Variants in VNN1 observed in about 807,000 individuals in gnomAD.
VNN1 encodes pantetheinase.
Under a neutral mutation model 41.9 loss-of-function variants are expected in VNN1, and 29 were observed. The ratio of observed to expected loss-of-function variants is 0.69; its 90% CI spans 0.52 to 0.94. VNN1 has a LOEUF of 0.94. Among genes scored for constraint, VNN1 ranks in the 40% least tolerant of loss-of-function variants. The probability of loss-of-function intolerance (pLI) is 0.00; values close to 1 mark genes in which losing one functional copy is unlikely to be tolerated. For missense variants in VNN1, 637 were observed against 621.1 expected (o/e 1.03, Z -0.27); for synonymous variants, 233 against 224.4 (o/e 1.04, Z -0.34).
intron 2 of VNN1, among the ~76,000 whole-genome samples, chr6:132,703,047 G>A (rs1410751717): frequency 6.6e-6 from 1 of 152,136 alleles, no homozygotes; most frequent in Non-Finnish European, 1.5e-5. Context: ...GTAACATGAA[G>A]CACCAAGCAG....
Position 132,683,313 on chromosome 6 carries a change from C to T in VNN1, c.1369G>A (p.Asp457Asn). 6.2e-7 allele frequency: 1 copy of T among 1,612,184 alleles called. No individual in the cohort carries two copies. Among genetic ancestry groups the T allele is most frequent in the African/African-American group, 1.3e-5 (1 of 74,936 alleles). Residue 457 changes from aspartate to asparagine, a missense_variant, in exon 7 of 7, where the codon GAC becomes AAC. Coordinates refer to ENST00000367928, the MANE Select transcript of VNN1 (RefSeq NM_004666.3). ...GGCTTCAGACTAAACAAGCGTCCGT[C>T]AGTTGACACCTGATTAAAACAAAAA... ...LAPGEFQVST[D>N]GRLFSLKPTS...
chr6:132,701,231 A>G (rs985180000), intron 2 of VNN1, among the ~76,000 whole-genome samples: 11 of 152,212 alleles, frequency 7.2e-5, no homozygotes, highest in Non-Finnish European at 1.5e-5. Flanking sequence ...TAAATTTTAA[A>G]CTATGAGGTC....
chr6:132,700,902 C>T (rs980017497), intron 2 of VNN1, among the ~76,000 whole-genome samples: 2 of 152,076 alleles, frequency 1.3e-5, no homozygotes, highest in Admixed American at 1.3e-4. Flanking sequence ...TTCTCCATAG[C>T]CCTGCTCTAT....
chr6:132,711,262 C>A (rs1035512037), intron 2 of VNN1, among the ~76,000 whole-genome samples: 1 of 152,126 alleles, frequency 6.6e-6, no homozygotes, highest in Non-Finnish European at 1.5e-5. Flanking sequence ...TGACTTAAAC[C>A]ACTTAAAATC....
At chr6:132,701,713 T>C (rs1241700244) in intron 2 of VNN1, among the ~76,000 whole-genome samples, 1 of 152,184 alleles carries the variant, frequency 6.6e-6, no homozygotes, top group African/African-American at 2.4e-5. Flanking sequence ...GTAATCACAG[T>C]ACCTTGTTTT....
chr6:132,691,488 C>T lies in VNN1; in HGVS notation c.1188+735G>A, dbSNP rs1048574713. On this transcript the variant is annotated intron_variant, in intron 5 of 6. Transcript: ENST00000367928. ...CAACCCCATTCATATCCAGGATATA[C>T]TTAGTGTCAAACTCTTTATAAAGCA... 5.3e-4 allele frequency among the ~76,000 whole-genome samples: 80 copies of T among 151,912 alleles called. 1 individual carries two copies. Among genetic ancestry groups the T allele is most frequent in the African/African-American group, 1.7e-3 (69 of 41,340 alleles).
chr6:132,712,546 G>A (rs1442712806), intron 1 of VNN1, among the ~76,000 whole-genome samples: 1 of 152,108 alleles, frequency 6.6e-6, no homozygotes, highest in African/African-American at 2.4e-5. Flanking sequence ...GCCTCTCCTT[G>A]AACTTTCGCT....
At chr6:132,687,395 C>G (rs1180937349) in intron 5 of VNN1, among the ~76,000 whole-genome samples, 1 of 152,182 alleles carries the variant, frequency 6.6e-6, no homozygotes, top group African/African-American at 2.4e-5. Context: ...AAAGAGGGCA[C>G]AAGCCCAAAA....
chr6:132,712,377 C>T (rs1404675879), intron 1 of VNN1, among the ~76,000 whole-genome samples: 1 of 151,944 alleles, frequency 6.6e-6, no homozygotes, highest in Non-Finnish European at 1.5e-5. Context: ...CTTGAACTCC[C>T]AACCTCAGGT....
intron 2 of VNN1, among the ~76,000 whole-genome samples, chr6:132,695,605 C>G (rs1778358221): frequency 6.6e-6 from 1 of 152,200 alleles, no homozygotes. Context: ...TGCAGGCCCT[C>G]TTTCTGGCTG....
At chr6:132,710,696 AT>A (rs1778587149) in intron 2 of VNN1, among the ~76,000 whole-genome samples, 1 of 152,198 alleles carries the variant, frequency 6.6e-6, no homozygotes, top group Non-Finnish European at 1.5e-5. Flanking sequence ...TGCAAAGGAC[AT>A]GAACTTATCC....
intron 5 of VNN1, among the ~76,000 whole-genome samples, chr6:132,690,518 G>A (rs1778267016): frequency 6.6e-6 from 1 of 152,150 alleles, no homozygotes; most frequent in South Asian, 2.1e-4. Context: ...ATTAATCTAA[G>A]TAGAGCTCTT....
rs185042078 is a variant in VNN1 at position 132,692,799 on chromosome 6, G to A, written c.827-215C>T. ...GCCAAGAAGGGAGAGTTGTATGTAA[G>A]AAGTCATATATTTTGAAAAAAAAAT... On this transcript the variant is annotated intron_variant, in intron 4 of 6. Transcript: ENST00000367928. 5.1e-4 allele frequency among the ~76,000 whole-genome samples: 77 copies of A among 151,916 alleles called. 1 individual carries two copies. Among genetic ancestry groups the A allele is most frequent in the Middle Eastern group, 6.9e-3 (2 of 290 alleles).
intron 6 of VNN1, among the ~76,000 whole-genome samples, chr6:132,684,050 G>A (rs560592514): frequency 6.6e-6 from 1 of 152,126 alleles, no homozygotes; most frequent in East Asian, 1.9e-4. Context: ...CACTGGTTCT[G>A]AAACTACTCT....
At position 132,692,468 on chromosome 6, in the gene VNN1, T is replaced by A. The variant is rs1778305713; in HGVS notation, c.943A>T (p.Asn315Tyr). ...ATACTGCTGGCATAGGAAGTCCAGT[T>A]CACCACTGCAGAATGGGATGGGTGG... Reference protein sequence around the residue: ...DSHPSHSAVVNWTSYASSIEA... With the variant: ...DSHPSHSAVVYWTSYASSIEA... The change falls in exon 5 of 7, where the codon AAC becomes TAC. Residue 315 changes from asparagine (N) to tyrosine (Y), a missense_variant. Coordinates refer to ENST00000367928, the MANE Select transcript of VNN1 (RefSeq NM_004666.3). 6.2e-7 allele frequency: 1 copy of A among 1,614,086 alleles called. No homozygotes were observed. Among genetic ancestry groups the A allele is most frequent in the East Asian group, 2.2e-5 (1 of 44,866 alleles).
intron 5 of VNN1, among the ~76,000 whole-genome samples, chr6:132,685,037 G>C (rs1394325515): frequency 2.0e-5 from 3 of 152,182 alleles, no homozygotes; most frequent in Non-Finnish European, 4.4e-5. Context: ...GTTTAATTTA[G>C]GCACCTGTGT....
At chr6:132,692,665 C>A in intron 4 of VNN1, 81 bp from the exon 5 acceptor site, 1 of 1,461,360 alleles carries the variant, frequency 6.8e-7, no homozygotes, top group East Asian at 2.3e-5. Context: ...ATTTTAACCT[C>A]ATATTCACAT....
chr6:132,703,242 CACAG>C (rs1457122132), intron 2 of VNN1, among the ~76,000 whole-genome samples: 1 of 152,144 alleles, frequency 6.6e-6, no homozygotes, highest in Non-Finnish European at 1.5e-5. Context: ...CTAGTAAGTA[CACAG>C]ACAAACATGG....
At chr6:132,701,584 AG>A (rs1778449705) in intron 2 of VNN1, among the ~76,000 whole-genome samples, 1 of 152,212 alleles carries the variant, frequency 6.6e-6, no homozygotes, top group African/African-American at 2.4e-5. Flanking sequence ...AAAGATGAGG[AG>A]GAAGCAGAGG....
Sources: allele counts gnomAD v4.1 joint callset (sites outside exome capture counted in the v4.1 genomes callset), GRCh38; gene constraint gnomAD v4.1.1; transcripts MANE v1.5; gene names NCBI Gene and HGNC (gene_info 2026-07-23, HGNC 2026-07-21).